Variants in NFILZ observed in about 807,000 individuals in gnomAD.
NFILZ encodes the protein NFIL3 like protein.
In NFILZ at chr19:8,668,301, T is replaced by G. The variant is rs919681853; in HGVS notation, c.-163-6250T>G. On this transcript the variant is annotated intron_variant, in intron 3 of 5. Transcript: ENST00000691075. ...ATTATTTTTATTGTTGTCTTGTTAT[T>G]TTTTTCAAATACTGTATTTTCAATC... 6.6e-5 allele frequency among the ~76,000 whole-genome samples: 10 copies of G among 152,222 alleles called. 1 individual carries two copies. In the South Asian group the frequency reaches 1.7e-3, roughly 25 times the overall value.
intron 3 of NFILZ, among the ~76,000 whole-genome samples, chr19:8,666,840 T>A (rs1324889957): frequency 6.6e-6 from 1 of 151,536 alleles, no homozygotes; most frequent in Non-Finnish European, 1.5e-5. Flanking sequence ...GCTCAGGTGA[T>A]CCTCCCACTT....
intron 3 of NFILZ, among the ~76,000 whole-genome samples, chr19:8,653,135 G>A (rs1465476535): frequency 2.0e-5 from 3 of 149,720 alleles, no homozygotes; most frequent in African/African-American, 4.9e-5. Context: ...AGGCTGGAGC[G>A]CAATGGTGCG....
chr19:8,650,100 G>A (rs1555747549), intron 3 of NFILZ, among the ~76,000 whole-genome samples: 1 of 150,704 alleles, frequency 6.6e-6, no homozygotes, highest in East Asian at 1.9e-4. Context: ...GGCCAGCTGA[G>A]CAAGACTCCG....
chr19:8,664,804 GC>G (rs1488129881), intron 3 of NFILZ, among the ~76,000 whole-genome samples: 1 of 152,028 alleles, frequency 6.6e-6, no homozygotes, highest in Non-Finnish European at 1.5e-5. Flanking sequence ...CTCATCTCAG[GC>G]CCCCCAAGTC....
intron 3 of NFILZ, among the ~76,000 whole-genome samples, chr19:8,663,787 T>TGTGTGTGTGTATGTA (rs2043048906): frequency 5.4e-5 from 8 of 148,728 alleles, no homozygotes; most frequent in African/African-American, 1.2e-4. Context: ...TGTGTGTTTG[T>TGTGTGTGTGTATGTA]TGTGGGGGGG....
intron 3 of NFILZ, among the ~76,000 whole-genome samples, chr19:8,656,349 C>T (rs1399920345): frequency 4.1e-5 from 6 of 146,950 alleles, no homozygotes; most frequent in Admixed American, 1.4e-4. Context: ...TGAAGCCCAC[C>T]TCTTCCCTGA....
chr19:8,667,156 C>G (rs1323102254), intron 3 of NFILZ, among the ~76,000 whole-genome samples: 12 of 152,000 alleles, frequency 7.9e-5, no homozygotes, highest in Admixed American at 7.9e-4. Context: ...ACCAGCCTTA[C>G]AATGCAAGGA....
intron 1 of NFILZ, among the ~76,000 whole-genome samples, chr19:8,632,258 G>A (rs2042873762): frequency 6.6e-6 from 1 of 151,680 alleles, no homozygotes; most frequent in Non-Finnish European, 1.5e-5. Context: ...GTGTGTGTGT[G>A]TGTGTGTGTG....
At chr19:8,647,417 C>T (rs1329920790) in intron 3 of NFILZ, among the ~76,000 whole-genome samples, 1 of 152,032 alleles carries the variant, frequency 6.6e-6, no homozygotes, top group African/African-American at 2.4e-5. Context: ...ACTAAAAATA[C>T]AAAAATTAGC....
At chr19:8,674,629 A>G (rs535222007) in intron 4 of NFILZ, among the ~76,000 whole-genome samples, 29 bp downstream of exon 4, 60 of 150,676 alleles carry the variant, frequency 4.0e-4, no homozygotes, top group South Asian at 2.5e-3. Flanking sequence ...ACATTTTTGT[A>G]TTCTTTTTCT....
chr19:8,643,545 C>A (rs2042927519), intron 3 of NFILZ, among the ~76,000 whole-genome samples: 1 of 152,134 alleles, frequency 6.6e-6, no homozygotes. Flanking sequence ...TGTGGGCAGA[C>A]CTCATCCAAT....
chr19:8,660,094 G>A (rs1334046845), intron 3 of NFILZ, among the ~76,000 whole-genome samples: 2 of 152,160 alleles, frequency 1.3e-5, no homozygotes, highest in African/African-American at 2.4e-5. Flanking sequence ...TTTGGGACCT[G>A]CTCACAGTTC....
chr19:8,663,754 G>GTGTGTGTGTGTGTGTA, intron 3 of NFILZ, among the ~76,000 whole-genome samples: 1 of 117,564 alleles, frequency 8.5e-6, no homozygotes, highest in South Asian at 2.4e-4. Context: ...GTGTGTGTGT[G>GTGTGTGTGTGTGTGTA]TGTGTGTGTG....
At chr19:8,661,721 G>C (rs982133164) in intron 3 of NFILZ, among the ~76,000 whole-genome samples, 1 of 152,082 alleles carries the variant, frequency 6.6e-6, no homozygotes, top group Non-Finnish European at 1.5e-5. Context: ...GTGAAACCTT[G>C]TTTCTACTAA....
chr19:8,663,325 A>C (rs1353886099), intron 3 of NFILZ, among the ~76,000 whole-genome samples: 2 of 151,210 alleles, frequency 1.3e-5, no homozygotes, highest in Non-Finnish European at 2.9e-5. Context: ...GGGGTGAGAG[A>C]AAAAGAGGAG....
At chr19:8,652,985 TTCCTTCCTTC>T (rs2042972672) in intron 3 of NFILZ, among the ~76,000 whole-genome samples, 6 of 46,050 alleles carry the variant, frequency 1.3e-4, no homozygotes, top group African/African-American at 7.1e-4. Flanking sequence ...CCTTCCTTCC[TTCCTTCCTTC>T]CTTCCTTCCT....
rs2043047836 is a variant in NFILZ at position 8,663,754 on chromosome 19, G to GTGTGTGTGTGTGTGTATGTGTGTA, written c.-163-10782_-163-10781insATGTGTGTATGTGTGTGTGTGTGT. Among the ~76,000 whole-genome samples the GTGTGTGTGTGTGTGTATGTGTGTA allele has an allele frequency of 5.2e-4, 61 of 117,560 alleles. 1 individual carries two copies. Among genetic ancestry groups the GTGTGTGTGTGTGTGTATGTGTGTA allele is most frequent in the South Asian group, 2.0e-3 (8 of 4,082 alleles). 77.1% of individuals were successfully genotyped at this position (117,560 alleles called of 152,430 possible). On this transcript the variant is annotated intron_variant, in intron 3 of 5. Transcript: ENST00000691075. ...TGTGTGTGTGTGTGTGTGTGTGTGT[G>GTGTGTGTGTGTGTGTATGTGTGTA]TGTGTGTGTGTGTGTGTATGTATGT...
chr19:8,637,793 G>C (rs1170805495), intron 3 of NFILZ, among the ~76,000 whole-genome samples: 4 of 151,398 alleles, frequency 2.6e-5, no homozygotes, highest in African/African-American at 9.7e-5. Context: ...TGTAATCTCA[G>C]CTACTTGGGA....
At chr19:8,631,830 T>TTA (rs367777602) in intron 1 of NFILZ, among the ~76,000 whole-genome samples, 18,094 of 145,446 alleles carry the variant, frequency 0.12, 1,307 homozygotes, top group Middle Eastern at 0.19. Context: ...GTCCTCGCTT[T>TTA]TGTGTGTGTG....
Sources: allele counts gnomAD v4.1 joint callset (sites outside exome capture counted in the v4.1 genomes callset), GRCh38; gene constraint gnomAD v4.1.1; transcripts MANE v1.5; gene names NCBI Gene and HGNC (gene_info 2026-07-23, HGNC 2026-07-21).